SNX24: variants seen among roughly 807,000 people sequenced by gnomAD.
SNX24 encodes sorting nexin-24.
SNX24 carries 22 observed loss-of-function variants against 28.7 expected under a neutral mutation model. The observed-to-expected ratio is 0.77, with a 90% confidence interval of 0.55 to 1.10. SNX24 has a LOEUF of 1.10. SNX24 is among the 50% of genes least tolerant of loss of function. The probability of loss-of-function intolerance (pLI) is 0.00; values close to 1 mark genes in which losing one functional copy is unlikely to be tolerated. For missense variants in SNX24, 221 were observed against 201.1 expected (o/e 1.10, Z -0.60); for synonymous variants, 69 against 71.5 (o/e 0.96, Z 0.18).
intron 5 of SNX24, among the ~76,000 whole-genome samples, chr5:123,015,834 G>C (rs1432223502): frequency 2.6e-5 from 4 of 152,164 alleles, no homozygotes; most frequent in African/African-American, 9.7e-5. Context: ...CATGGCTACT[G>C]CAAGAAGCTG....
At chr5:122,915,159 T>C (rs959234195) in intron 1 of SNX24, among the ~76,000 whole-genome samples, 3 of 152,214 alleles carry the variant, frequency 2.0e-5, no homozygotes, top group African/African-American at 4.8e-5. Flanking sequence ...TGCCAAGTGC[T>C]GTTGACTCTA....
chr5:122,867,454 G>C (rs1755772734), intron 1 of SNX24, among the ~76,000 whole-genome samples: 1 of 152,184 alleles, frequency 6.6e-6, no homozygotes, highest in South Asian at 2.1e-4. Flanking sequence ...TCAGGTGTCT[G>C]GCTGATCATT....
intron 1 of SNX24, among the ~76,000 whole-genome samples, chr5:122,849,325 C>A (rs573734888): frequency 6.6e-6 from 1 of 152,184 alleles, no homozygotes; most frequent in South Asian, 2.1e-4. Context: ...GGTGTTCCTG[C>A]CCTTAGGGAT....
At chr5:122,846,110 G>GT (rs760983843) in intron 1 of SNX24, among the ~76,000 whole-genome samples, 1,708 of 147,882 alleles carry the variant, frequency 0.012, 27 homozygotes, top group African/African-American at 0.034. Context: ...TGGAAAACCT[G>GT]TTTTTTTTTT....
At chr5:122,908,754 A>G (rs1175421988) in intron 1 of SNX24, among the ~76,000 whole-genome samples, 1 of 152,256 alleles carries the variant, frequency 6.6e-6, no homozygotes, top group African/African-American at 2.4e-5. Flanking sequence ...AATATTATGT[A>G]GCAGTAAAAG....
intron 1 of SNX24, among the ~76,000 whole-genome samples, chr5:122,871,533 G>A (rs750890233): frequency 3.3e-5 from 5 of 152,066 alleles, no homozygotes; most frequent in Non-Finnish European, 1.5e-5. Flanking sequence ...TTTGGGAGGC[G>A]GAGGTGGGTG....
chr5:122,848,808 T>C (rs1044753041), intron 1 of SNX24, among the ~76,000 whole-genome samples: 4 of 152,338 alleles, frequency 2.6e-5, no homozygotes, highest in African/African-American at 7.2e-5. Context: ...TTCTCCTCTT[T>C]GCTTCTAGTC....
intron 3 of SNX24, among the ~76,000 whole-genome samples, chr5:122,981,824 G>T (rs1444599443): frequency 6.6e-6 from 1 of 152,124 alleles, no homozygotes; most frequent in African/African-American, 2.4e-5. Flanking sequence ...ATTAAAAGTG[G>T]TAGTGCCTTC....
At chr5:123,013,859 CGTTAA>C (rs1038250179), downstream of SNX24, among the ~76,000 whole-genome samples, 3 of 152,078 alleles carry the variant, frequency 2.0e-5, no homozygotes, top group African/African-American at 7.2e-5. Context: ...TATTTTATCA[CGTTAA>C]GTTCTTTACA....
rs1027288546 is a variant in SNX24 at position 122,987,748 on chromosome 5, G to A, written c.250-12164G>A. Among the ~76,000 whole-genome samples the A allele has an allele frequency of 3.3e-5, 5 of 152,022 alleles. 1 individual carries two copies. Among genetic ancestry groups the A allele is most frequent in the Admixed American group, 6.6e-5 (1 of 15,258 alleles). ...ACTGGGTCAGTAGATTGGAAGTCTC[G>A]CCAATAGTAGCGGGGCAACACCATT... On this transcript the variant is annotated intron_variant, in intron 3 of 6. Transcript: ENST00000261369.
intron 1 of SNX24, chr5:122,891,137 T>C: frequency 6.8e-7 from 1 of 1,465,138 alleles, no homozygotes; most frequent in Non-Finnish European, 9.0e-7. Flanking sequence ...TATTTTTGAC[T>C]GTAGAAAACT....
At chr5:122,968,398 T>C (rs912356472) in intron 3 of SNX24, among the ~76,000 whole-genome samples, 1 of 152,182 alleles carries the variant, frequency 6.6e-6, no homozygotes. Context: ...CTGTTTAAAA[T>C]GTTTCATAGG....
At chr5:122,959,958 T>G (rs1760408621) in intron 3 of SNX24, among the ~76,000 whole-genome samples, 1 of 152,170 alleles carries the variant, frequency 6.6e-6, no homozygotes, top group East Asian at 1.9e-4. Flanking sequence ...CCTTTGACCC[T>G]TTTCAAACAC....
chr5:122,937,474 T>C (rs1308010949), intron 2 of SNX24, among the ~76,000 whole-genome samples: 1 of 152,220 alleles, frequency 6.6e-6, no homozygotes, highest in Non-Finnish European at 1.5e-5. Flanking sequence ...AAATGCTTCT[T>C]TATTTTCTAC....
At position 122,977,797 on chromosome 5, in the gene SNX24, A is replaced by G. The variant is rs189983047; in HGVS notation, c.250-22115A>G. On this transcript the variant is annotated intron_variant, in intron 3 of 6. Transcript: ENST00000261369. The stretch of plus-strand genomic sequence containing the variant: ...TATACTTCTAAGATTATGATTTTAA[A>G]GTAATAGCTGGAAATAGAGAGTTCT... 1.3e-3 allele frequency among the ~76,000 whole-genome samples: 193 copies of G among 152,362 alleles called. 1 individual carries two copies. Among genetic ancestry groups the G allele is most frequent in the Non-Finnish European group, 8.4e-4 (57 of 68,044 alleles).
chr5:122,895,375 G>T (rs1169251204), intron 1 of SNX24, among the ~76,000 whole-genome samples: 1 of 152,008 alleles, frequency 6.6e-6, no homozygotes, highest in Non-Finnish European at 1.5e-5. Flanking sequence ...ATTAGAGCTG[G>T]GTTAAAAAGT....
At chr5:123,025,772 G>C (rs756982111) in intron 5 of SNX24, 4 of 1,607,902 alleles carry the variant, frequency 2.5e-6, no homozygotes, top group Non-Finnish European at 3.4e-6. Flanking sequence ...GGAAAAAAAT[G>C]TATCAATTTA....
chr5:122,847,179 C>T (rs2150026589), intron 1 of SNX24, among the ~76,000 whole-genome samples: 1 of 152,270 alleles, frequency 6.6e-6, no homozygotes, highest in South Asian at 2.1e-4. Flanking sequence ...CCGGTTCAAG[C>T]TAAAAGTTAA....
At chr5:122,877,825 G>A (rs915209796) in intron 1 of SNX24, among the ~76,000 whole-genome samples, 2 of 151,906 alleles carry the variant, frequency 1.3e-5, no homozygotes, top group African/African-American at 4.8e-5. Context: ...CATTGGTGGA[G>A]TCTTCAAGCC....
Sources: allele counts gnomAD v4.1 joint callset (sites outside exome capture counted in the v4.1 genomes callset), GRCh38; gene constraint gnomAD v4.1.1; transcripts MANE v1.5; gene names NCBI Gene and HGNC (gene_info 2026-07-23, HGNC 2026-07-21).